Variants in PARD3B observed in about 807,000 individuals in gnomAD.
PARD3B encodes the protein partitioning defective 3 homolog B.
Under a neutral mutation model 130.2 loss-of-function variants are expected in PARD3B, and 103 were observed. The observed-to-expected ratio is 0.79, with a 90% CI of 0.67 to 0.93. The LOEUF (loss-of-function observed/expected upper bound fraction) is 0.93. PARD3B is among the 40% of genes least tolerant of loss of function. PARD3B has a pLI of 0.00. For missense variants in PARD3B, 1,609 were observed against 1,499.2 expected (o/e 1.07, Z -1.21); for synonymous variants, 583 against 553.2 (o/e 1.05, Z -0.76).
chr2:205,486,752 C>G (rs1367694247), intron 20 of PARD3B, among the ~76,000 whole-genome samples: 1 of 152,016 alleles, frequency 6.6e-6, no homozygotes, highest in Non-Finnish European at 1.5e-5. Context: ...AGGGGATGGT[C>G]CTAAACCATG....
At chr2:205,540,809 C>A (rs1044043226) in intron 21 of PARD3B, among the ~76,000 whole-genome samples, 1 of 152,190 alleles carries the variant, frequency 6.6e-6, no homozygotes, top group Non-Finnish European at 1.5e-5. Context: ...CTTCAACAAT[C>A]TTCCATGGGT....
chr2:205,513,075 T>G (rs575994384), intron 21 of PARD3B, among the ~76,000 whole-genome samples: 2 of 151,872 alleles, frequency 1.3e-5, no homozygotes, highest in Non-Finnish European at 2.9e-5. Flanking sequence ...TTGCCAGGCG[T>G]GCTTCAGCAG....
intron 18 of PARD3B, among the ~76,000 whole-genome samples, chr2:205,371,159 C>T (rs1196564437): frequency 6.6e-6 from 1 of 152,094 alleles, no homozygotes; most frequent in Non-Finnish European, 1.5e-5. Flanking sequence ...TCCCATCACT[C>T]TATTAGCTAA....
chr2:204,703,242 T>G (rs887977121), intron 2 of PARD3B, among the ~76,000 whole-genome samples: 2 of 152,158 alleles, frequency 1.3e-5, no homozygotes, highest in African/African-American at 2.4e-5. Flanking sequence ...TTAACCACCA[T>G]GCTTAGACAC....
At chr2:204,998,440 G>GTGTACATATATGTGTATATTATATA (rs1694509899) in intron 3 of PARD3B, among the ~76,000 whole-genome samples, 1 of 17,388 alleles carries the variant, frequency 5.8e-5, no homozygotes, top group Admixed American at 1.0e-3. Flanking sequence ...ATATATGTGT[G>GTGTACATATATGTGTATATTATATA]TGTATATATA....
At chr2:204,763,170 G>C (rs929312278) in intron 2 of PARD3B, among the ~76,000 whole-genome samples, 37 of 152,250 alleles carry the variant, frequency 2.4e-4, no homozygotes, top group African/African-American at 8.9e-4. Flanking sequence ...GCATCTCAGG[G>C]CTTGACCTAC....
intron 3 of PARD3B, 22 bp from the exon 4 acceptor site, chr2:205,047,559 C>G (rs1194540361): frequency 6.6e-7 from 1 of 1,508,996 alleles, no homozygotes; most frequent in Admixed American, 2.0e-5. Context: ...TTTGACCTCT[C>G]ACCTCTCACT....
chr2:205,211,847 G>C (rs72938044), intron 15 of PARD3B, among the ~76,000 whole-genome samples: 3,707 of 152,210 alleles, frequency 0.024, 49 homozygotes, highest in Non-Finnish European at 0.035. Flanking sequence ...AAACGCTTCA[G>C]AATTGTCTTG....
In PARD3B at chr2:205,490,733, A is replaced by G. The variant is rs576306421; in HGVS notation, c.3045-9163A>G. ...ACTAGTTTACAGTCCCACCAACAGTATAAAAGTGTTCCTATTTCTCCACAT... is the reference window on the plus strand; with the variant it reads ...ACTAGTTTACAGTCCCACCAACAGTGTAAAAGTGTTCCTATTTCTCCACAT... On this transcript the variant is annotated intron_variant, in intron 20 of 22. Transcript: ENST00000406610. Among the ~76,000 whole-genome samples, 36 of 152,270 alleles carry G rather than the reference A, an allele frequency of 2.4e-4. 1 individual carries two copies. The highest frequency in any genetic ancestry group is 1.7e-3 in the South Asian group (8 of 4,830).
intron 2 of PARD3B, among the ~76,000 whole-genome samples, chr2:204,920,245 G>A (rs1197536077): frequency 6.6e-6 from 1 of 152,130 alleles, no homozygotes; most frequent in Non-Finnish European, 1.5e-5. Context: ...ATACACTTTC[G>A]AGCATTGAGC....
At chr2:205,377,090 T>G (rs2045087413) in intron 18 of PARD3B, among the ~76,000 whole-genome samples, 2 of 152,130 alleles carry the variant, frequency 1.3e-5, no homozygotes, top group Non-Finnish European at 2.9e-5. Context: ...CAGAACCTTA[T>G]TAGAGTTAGC....
In PARD3B at chr2:205,458,092, A is replaced by T. The variant is rs1428650641; in HGVS notation, c.3044+17420A>T. On this transcript the variant is annotated intron_variant, in intron 20 of 22. Coordinates refer to ENST00000406610, the MANE Select transcript of PARD3B (RefSeq NM_001302769.2). The surrounding 1 kb of genome is among the most constrained non-coding windows in gnomAD (Gnocchi z 4.8). ...TTTTTTCCTTTTTGTCTTGGTTTTC[A>T]GCAGTTTTACTGTGATGTGTCTGTG... Among the ~76,000 whole-genome samples, 1 of 152,048 alleles carries T rather than the reference A, an allele frequency of 6.6e-6. No individual in the cohort carries two copies. Among genetic ancestry groups the T allele is most frequent in the Non-Finnish European group, 1.5e-5 (1 of 67,994 alleles).
At chr2:204,852,874 A>G (rs967619677) in intron 2 of PARD3B, among the ~76,000 whole-genome samples, 19 of 152,188 alleles carry the variant, frequency 1.2e-4, no homozygotes, top group African/African-American at 4.6e-4. Context: ...AGGAAAGCCC[A>G]CTACAATCTC....
In PARD3B at chr2:205,587,762, G is replaced by C. The variant is rs139261135; in HGVS notation, c.3261-27694G>C. Among the ~76,000 whole-genome samples the C allele has an allele frequency of 4.3e-3, 656 of 152,296 alleles. 1 individual carries two copies. Among genetic ancestry groups the C allele is most frequent in the Non-Finnish European group, 7.7e-3 (526 of 68,016 alleles). ...GGTGAGAAAATAAATAGAATTGCTA[G>C]TCTTCATCACACGGAAAAGAGCTAG... On this transcript the variant is annotated intron_variant, in intron 22 of 22. Coordinates refer to ENST00000406610, the MANE Select transcript of PARD3B (RefSeq NM_001302769.2).
At chr2:205,081,676 A>G (rs1701416002) in intron 4 of PARD3B, among the ~76,000 whole-genome samples, 1 of 152,082 alleles carries the variant, frequency 6.6e-6, no homozygotes, top group Non-Finnish European at 1.5e-5. Context: ...AATGTGGTAA[A>G]CTACATTAGT....
chr2:205,192,888 T>C (rs1017808235), intron 14 of PARD3B, among the ~76,000 whole-genome samples: 4 of 152,222 alleles, frequency 2.6e-5, no homozygotes, highest in Non-Finnish European at 4.4e-5. Context: ...TTTGAAGTGC[T>C]AGTGTTTTCC....
chr2:205,474,025 A>G (rs920658978), intron 20 of PARD3B, among the ~76,000 whole-genome samples: 2 of 151,686 alleles, frequency 1.3e-5, no homozygotes, highest in African/African-American at 4.8e-5. Flanking sequence ...CTTCACCACA[A>G]CCCGGTAATA....
chr2:204,553,429 A>G (rs2030617025), intron 1 of PARD3B, among the ~76,000 whole-genome samples: 1 of 151,556 alleles, frequency 6.6e-6, no homozygotes, highest in Non-Finnish European at 1.5e-5. Flanking sequence ...AAGTCATTAT[A>G]TGAAAAAGAT....
At chr2:205,333,489 T>G (rs2105782533) in intron 18 of PARD3B, among the ~76,000 whole-genome samples, 1 of 152,274 alleles carries the variant, frequency 6.6e-6, no homozygotes, top group South Asian at 2.1e-4. Flanking sequence ...TTATAGAACA[T>G]AAATGTTTAT....
Sources: gnomAD v4.1 joint callset for allele counts (sites outside exome capture counted in the v4.1 genomes callset) on GRCh38, gnomAD v4.1.1 for gene constraint, Gnocchi (gnomAD v3.1) non-coding constraint, MANE v1.5 for transcripts, NCBI Gene and HGNC (gene_info 2026-07-23, HGNC 2026-07-21) for gene names.